The following MYO5C variants were observed in gnomAD, a reference collection of about 807,000 sequenced individuals.
MYO5C encodes unconventional myosin-Vc.
MYO5C carries 194 observed loss-of-function variants against 235.7 expected under a neutral mutation model. That is an observed-to-expected ratio of 0.82 (90% CI 0.73 to 0.93). The LOEUF is 0.93. Among genes scored for constraint, MYO5C ranks in the 40% least tolerant of loss-of-function variants. The pLI is 0.00. For synonymous variants in MYO5C, 707 were observed against 754.8 expected (o/e 0.94, Z 1.04); for missense variants, 2,038 against 2,127.2 (o/e 0.96, Z 0.82).
At chr15:52,221,601 C>T (rs943673704) in intron 29 of MYO5C, among the ~76,000 whole-genome samples, 2 of 152,148 alleles carry the variant, frequency 1.3e-5, no homozygotes, top group Non-Finnish European at 2.9e-5. Flanking sequence ...GTCTCCTCAT[C>T]TAGGAACAGG....
chr15:52,204,743 G>T, intron 38 of MYO5C, 122 bp downstream of exon 38: 1 of 1,208,882 alleles, frequency 8.3e-7, no homozygotes, highest in Non-Finnish European at 1.1e-6. Context: ...TATCCCTACA[G>T]CAGTAGGGCC....
chr15:52,271,884 C>A, intron 6 of MYO5C, 40 bp from the exon 7 acceptor site: 1 of 1,390,576 alleles, frequency 7.2e-7, no homozygotes, highest in Admixed American at 1.9e-5. Flanking sequence ...ACACCAAATC[C>A]TTACAAGCAA....
Position 52,275,734 on chromosome 15 carries a change from G to T in MYO5C, c.450-16C>A, listed in dbSNP as rs973299314. ...TCTGTTGTTTCTAAAGCAAATAAAA[G>T]TTTTCAAATATTAGTTTCTTCCCAT... On this transcript the variant is annotated splice_polypyrimidine_tract_variant and intron_variant, in intron 4 of 40. Transcript: ENST00000261839. The T allele has an allele frequency of 2.5e-5, 41 of 1,612,798 alleles. No homozygotes were observed. Among genetic ancestry groups the T allele is most frequent in the Non-Finnish European group, 3.5e-5 (41 of 1,178,862 alleles).
At chr15:52,209,803 A>G (rs2035404281) in intron 35 of MYO5C, among the ~76,000 whole-genome samples, 1 of 152,180 alleles carries the variant, frequency 6.6e-6, no homozygotes, top group Admixed American at 6.5e-5. Flanking sequence ...GATGGTGACT[A>G]TAAAGTATCC....
intron 8 of MYO5C, among the ~76,000 whole-genome samples, chr15:52,268,899 G>A (rs530182506): frequency 6.6e-6 from 1 of 152,320 alleles, no homozygotes; most frequent in South Asian, 2.1e-4. Flanking sequence ...CCTAATGTTG[G>A]GTAAATCACT....
intron 20 of MYO5C, among the ~76,000 whole-genome samples, chr15:52,241,720 A>G (rs1013626922): frequency 2.7e-5 from 4 of 146,166 alleles, no homozygotes; most frequent in Non-Finnish European, 4.5e-5. Flanking sequence ...AGAAACCAAC[A>G]GTGCAACTGG....
chr15:52,260,023 C>T (rs917846491), intron 10 of MYO5C, among the ~76,000 whole-genome samples: 14 of 152,320 alleles, frequency 9.2e-5, no homozygotes, highest in African/African-American at 3.4e-4. Flanking sequence ...TGTTAAGAAA[C>T]CAGGGTGGGT....
Position 52,237,565 on chromosome 15 carries a change from G to A in MYO5C, c.2785C>T (p.Leu929=). ...RAGDVEKIQK[L]EAELEKAATH... is the part of the protein sequence containing the mutation. ...GCTGCTTTTTCTAGTTCTGCTTCCA[G>A]CTTCTGAATCTTTTCCACATCCCCA... The change falls in exon 22 of 41, where the codon CTG becomes TTG. Residue 929 remains leucine (L), a synonymous_variant. Coordinates refer to ENST00000261839, the MANE Select transcript of MYO5C (RefSeq NM_018728.4). 1 of 1,614,102 alleles carries A rather than the reference G, an allele frequency of 6.2e-7. No homozygotes were observed. Among genetic ancestry groups the A allele is most frequent in the Non-Finnish European group, 8.5e-7 (1 of 1,180,032 alleles).
At chr15:52,211,933 C>T (rs1037653685) in intron 34 of MYO5C, 49 bp from the exon 35 acceptor site, 3 of 1,586,666 alleles carry the variant, frequency 1.9e-6, no homozygotes, top group African/African-American at 1.3e-5. Flanking sequence ...GTCAGCTCTT[C>T]TCCTAAGGAA....
At chr15:52,249,987 G>A (rs1330462650) in intron 13 of MYO5C, among the ~76,000 whole-genome samples, 2 of 152,196 alleles carry the variant, frequency 1.3e-5, no homozygotes, top group Admixed American at 6.5e-5. Flanking sequence ...AGACTTCTTG[G>A]AAGTGGCAGG....
At chr15:52,277,022 C>A in intron 4 of MYO5C, 1 of 453,160 alleles carries the variant, frequency 2.2e-6, no homozygotes, top group Non-Finnish European at 4.5e-6. Flanking sequence ...AGAGCCACAG[C>A]CTCCCATGTA....
intron 34 of MYO5C, among the ~76,000 whole-genome samples, chr15:52,212,759 G>T (rs1047147102): frequency 6.6e-6 from 1 of 152,188 alleles, no homozygotes; most frequent in African/African-American, 2.4e-5. Flanking sequence ...TTTCTCAGAA[G>T]TCAAATGGAG....
intron 7 of MYO5C, among the ~76,000 whole-genome samples, chr15:52,270,230 C>T (rs539216628): frequency 1.1e-4 from 16 of 152,130 alleles, no homozygotes; most frequent in African/African-American, 3.1e-4. Flanking sequence ...TGCAGTGAGC[C>T]GTGCTGGCGC....
intron 10 of MYO5C, among the ~76,000 whole-genome samples, chr15:52,257,582 C>G (rs113832173): frequency 2.0e-4 from 31 of 152,232 alleles, no homozygotes; most frequent in African/African-American, 6.8e-4. Flanking sequence ...TGAGCTCCTG[C>G]TGGAAGGCAG....
At position 52,213,866 on chromosome 15, in the gene MYO5C, G is replaced by A. The variant is rs118180396; in HGVS notation, c.4043-580C>T. 4.8e-3 allele frequency among the ~76,000 whole-genome samples: 736 copies of A among 152,356 alleles called. 14 individuals are homozygous for A. The highest frequency in any genetic ancestry group is 0.026 in the Admixed American group (391 of 15,294). On this transcript the variant is annotated intron_variant, in intron 33 of 40. Coordinates refer to ENST00000261839, the MANE Select transcript of MYO5C (RefSeq NM_018728.4). ...GCTGGGAAGCACAGACCTGGGCCCT[G>A]CTCTCATGGGGCAGACTGCCATTTG...
intron 13 of MYO5C, chr15:52,251,071 A>T (rs1203805694): frequency 5.6e-6 from 1 of 178,832 alleles, no homozygotes; most frequent in African/African-American, 2.4e-5. Flanking sequence ...CTTTCATCAT[A>T]AGGAAGAATT....
chr15:52,214,711 C>T lies in MYO5C; in HGVS notation c.3955-21G>A, dbSNP rs745919246. ...AGATCCTACAGCAATAAAAAGAAAC[C>T]AGGATTTAGCTTAGAAGCACTTTAA... On this transcript the variant is annotated intron_variant, in intron 32 of 40. Coordinates refer to ENST00000261839, the MANE Select transcript of MYO5C (RefSeq NM_018728.4). 5.2e-6 allele frequency: 8 copies of T among 1,525,162 alleles called. No individual in the cohort carries two copies. The East Asian group carries it at 1.8e-4, about 35-fold the overall frequency. The allele number at this position is 1,525,162 out of a possible 1,614,324, so 94.5% of individuals were successfully genotyped here. A position where few individuals can be genotyped will look rare whatever the true frequency, so the allele number is the denominator to read the frequency against.
In MYO5C at chr15:52,256,642, G is replaced by A; in HGVS notation, c.1392C>T (p.Asn464=). ...YANEKLQQQF[N]MHVFKLEQEE... ...AGAAGGCAGAAAGGTCACCTACCAT[G>A]TTAAACTGTTGTTGCAGTTTTTCAT... is the stretch of plus-strand genomic sequence containing the variant. The change falls in exon 11 of 41, where the codon AAC becomes AAT. Residue 464 remains asparagine, a synonymous_variant. Coordinates refer to ENST00000261839, the MANE Select transcript of MYO5C (RefSeq NM_018728.4). 10 of 1,592,216 alleles carry A rather than the reference G, an allele frequency of 6.3e-6. No homozygotes were observed. Among genetic ancestry groups the A allele is most frequent in the Middle Eastern group, 3.4e-4 (2 of 5,962 alleles).
intron 11 of MYO5C, 52 bp downstream of exon 11, chr15:52,256,587 A>ACACACACACGCGCGCGCGCGCGCG: frequency 1.8e-6 from 1 of 564,332 alleles, no homozygotes; most frequent in Non-Finnish European, 3.1e-6. Context: ...ACACACACAC[A>ACACACACACGCGCGCGCGCGCGCG]CGCGCGCGCG....
Sources: gnomAD v4.1 joint callset for allele counts (sites outside exome capture counted in the v4.1 genomes callset) on GRCh38, gnomAD v4.1.1 for gene constraint, MANE v1.5 for transcripts, NCBI Gene and HGNC (gene_info 2026-07-23, HGNC 2026-07-21) for gene names.